BIRC6: variants seen among roughly 807,000 people sequenced by gnomAD.
BIRC6 encodes the protein dual E2 ubiquitin-conjugating enzyme/E3 ubiquitin-protein ligase BIRC6.
BIRC6 carries 98 observed loss-of-function variants against 503.3 expected under a neutral mutation model. The ratio of observed to expected loss-of-function variants is 0.19; its 90% CI spans 0.17 to 0.23. BIRC6 has a LOEUF of 0.23. Ranked by LOEUF, BIRC6 falls within the 10% of genes least tolerant of loss-of-function variation. BIRC6 has a pLI of 1.00. For missense variants in BIRC6, 5,360 were observed against 5,806.0 expected, an observed-to-expected ratio of 0.92 and a Z score of 2.50; for synonymous variants, 2,240 against 2,078.7, an observed-to-expected ratio of 1.08 and a Z score of -2.11.
rs1180074383 is a variant in BIRC6 at position 32,597,907 on chromosome 2, C to T, written c.13769C>T (p.Pro4590Leu). The change falls in exon 69 of 74, where the codon CCT becomes CTT. Residue 4590 changes from proline (P) to leucine (L), a missense_variant. Pro to Leu is a moderately conservative substitution (Grantham distance 98). Coordinates refer to ENST00000421745, the MANE Select transcript of BIRC6 (RefSeq NM_016252.4). ...GCTGTGACGCTTTCAACCTCACTGC[C>T]TCTGTCTTCATCCTCTAGTGTGTTT... ...QEAVTLSTSLPLSSSSSVFVR... is the reference protein window; with the variant it reads ...QEAVTLSTSLLLSSSSSVFVR... 1 of 1,613,774 alleles carries T rather than the reference C, an allele frequency of 6.2e-7. No individual in the cohort carries two copies.
At chr2:32,488,823 T>C in intron 42 of BIRC6, 109 bp downstream of exon 42, 1 of 800,284 alleles carries the variant, frequency 1.2e-6, no homozygotes, top group East Asian at 3.1e-5. Context: ...AACATTCTAG[T>C]GGGGAAAAAA....
chr2:32,446,738 GTTTTTTTTTTTTT>G lies in BIRC6; in HGVS notation c.4484+1091_4484+1103del, dbSNP rs58232090. Among the ~76,000 whole-genome samples the G allele has an allele frequency of 2.7e-3, 95 of 34,860 alleles. No homozygotes were observed. The East Asian group carries it at 0.041, about 15-fold the overall frequency. The allele number at this position is 34,860 out of a possible 152,430, so 22.9% of individuals were successfully genotyped here. On this transcript the variant is annotated intron_variant, in intron 21 of 73. Coordinates refer to ENST00000421745, the MANE Select transcript of BIRC6 (RefSeq NM_016252.4). Reference sequence around the variant, plus strand: ...TCTAGTCAGCATCTCCCTCTGCGCTGTTTTTTTTTTTTTTTTTTTTTTTTTTTTTTTTTATTGA... The same window carrying G: ...TCTAGTCAGCATCTCCCTCTGCGCTGTTTTTTTTTTTTTTTTTTTTATTGA...
At chr2:32,611,679 T>TAAAG (rs1263788354) in intron 73 of BIRC6, 97 bp downstream of exon 73, 2 of 1,144,942 alleles carry the variant, frequency 1.7e-6, no homozygotes, top group Admixed American at 3.3e-5. Context: ...GGGAGGGAAT[T>TAAAG]AAAGAAACAT....
At chr2:32,374,883 T>C (rs1013389942) in intron 1 of BIRC6, among the ~76,000 whole-genome samples, 3 of 152,124 alleles carry the variant, frequency 2.0e-5, no homozygotes, top group African/African-American at 7.2e-5. Flanking sequence ...GTATTATGGG[T>C]GTGAGCCACC....
chr2:32,476,375 T>C, intron 34 of BIRC6, 31 bp downstream of exon 34: 1 of 1,537,142 alleles, frequency 6.5e-7, no homozygotes, highest in East Asian at 2.4e-5. Flanking sequence ...TATAGTTATC[T>C]CAGAAAAGTC....
At chr2:32,401,712 G>C (rs2040614704) in intron 8 of BIRC6, 89 bp downstream of exon 8, 1 of 1,205,608 alleles carries the variant, frequency 8.3e-7, no homozygotes, top group Admixed American at 2.8e-5. Flanking sequence ...TAAAGAGGAG[G>C]AAAAAAAAGT....
intron 59 of BIRC6, 139 bp from the exon 60 acceptor site, chr2:32,529,512 G>A: frequency 1.4e-6 from 1 of 691,318 alleles, no homozygotes; most frequent in Non-Finnish European, 2.2e-6. Flanking sequence ...CTTTCCAATG[G>A]CTGTTGAATT....
Position 32,388,784 on chromosome 2 carries a change from T to C in BIRC6, c.680T>C (p.Val227Ala). ...GTTACATTTCATCTTCCTCATCATG[T>C]GTTGAAGTCCATTGCCAGTGCCATT... ...ATVTFHLPHH[V>A]LKSIASAIVN... Residue 227 changes from valine to alanine, a missense_variant, in exon 4 of 74, where the codon GTG becomes GCG. By Grantham distance (64) the Val-to-Ala change is moderately conservative. Coordinates refer to ENST00000421745, the MANE Select transcript of BIRC6 (RefSeq NM_016252.4). 1 of 1,609,402 alleles carries C rather than the reference T, an allele frequency of 6.2e-7. No homozygotes were observed. The highest frequency in any genetic ancestry group is 1.1e-5 in the South Asian group (1 of 90,308).
At chr2:32,550,062 G>A (rs1238473617) in intron 65 of BIRC6, among the ~76,000 whole-genome samples, 1 of 152,086 alleles carries the variant, frequency 6.6e-6, no homozygotes, top group African/African-American at 2.4e-5. Flanking sequence ...AGAATAGAAA[G>A]TTACATGTTC....
At chr2:32,529,467 T>G in intron 59 of BIRC6, 184 bp from the exon 60 acceptor site, 1 of 517,796 alleles carries the variant, frequency 1.9e-6, no homozygotes, top group Non-Finnish European at 3.3e-6. Context: ...TATTGTTCAT[T>G]ATTATATGTC....
chr2:32,599,953 T>G (rs1236662320), intron 70 of BIRC6, 53 bp downstream of exon 70: 3 of 1,536,226 alleles, frequency 2.0e-6, no homozygotes, highest in Non-Finnish European at 2.6e-6. Flanking sequence ...ATACAAAGGT[T>G]CTTTGTAATT....
rs2053250681 is a variant in BIRC6 at position 32,501,996 on chromosome 2, A to G, written c.9207+108A>G. 5.4e-6 allele frequency: 6 copies of G among 1,118,228 alleles called. No individual in the cohort carries two copies. The South Asian group carries it at 1.1e-4, about 20-fold the overall frequency. 69.3% of individuals were successfully genotyped at this position (1,118,228 alleles called of 1,614,324 possible). A position where few individuals can be genotyped will look rare whatever the true frequency, so the allele number is the denominator to read the frequency against. On this transcript the variant is annotated intron_variant, in intron 47 of 73. Coordinates refer to ENST00000421745, the MANE Select transcript of BIRC6 (RefSeq NM_016252.4). Reference sequence around the variant, plus strand: ...AAGTATATTTATTATATATCGGACAATGAAAAGCATCAGTACAAGAGGGCT... The same window carrying G: ...AAGTATATTTATTATATATCGGACAGTGAAAAGCATCAGTACAAGAGGGCT...
At chr2:32,420,497 C>A (rs1173880310) in intron 10 of BIRC6, among the ~76,000 whole-genome samples, 1 of 151,772 alleles carries the variant, frequency 6.6e-6, no homozygotes, top group Admixed American at 6.6e-5. Context: ...TCATAATATT[C>A]CCCACAATCA....
At chr2:32,548,364 A>ATTT (rs1491147471) in intron 64 of BIRC6, among the ~76,000 whole-genome samples, 60 of 68,022 alleles carry the variant, frequency 8.8e-4, no homozygotes, top group Non-Finnish European at 1.4e-3. Flanking sequence ...TTGGTTGCTT[A>ATTT]CTTTTTTTTT....
At chr2:32,398,916 A>G (rs2040285642) in intron 6 of BIRC6, among the ~76,000 whole-genome samples, 1 of 152,280 alleles carries the variant, frequency 6.6e-6, no homozygotes, top group East Asian at 1.9e-4. Flanking sequence ...CCCAGGATTT[A>G]TAGATGGATT....
chr2:32,466,580 A>C (rs528205645), intron 26 of BIRC6, among the ~76,000 whole-genome samples: 27 of 152,370 alleles, frequency 1.8e-4, no homozygotes, highest in African/African-American at 5.8e-4. Flanking sequence ...AACTAAATCA[A>C]ATAATACTAT....
chr2:32,374,982 G>T (rs2036534309), intron 1 of BIRC6, among the ~76,000 whole-genome samples: 1 of 152,052 alleles, frequency 6.6e-6, no homozygotes, highest in African/African-American at 2.4e-5. Context: ...AGATTGACTT[G>T]TTCAGTCCAT....
chr2:32,561,733 A>G (rs951595557), intron 65 of BIRC6, among the ~76,000 whole-genome samples: 1 of 143,758 alleles, frequency 7.0e-6, no homozygotes, highest in Non-Finnish European at 1.5e-5. Flanking sequence ...GTATATATAT[A>G]TATATATTTA....
At chr2:32,603,136 A>G (rs2062179750) in intron 71 of BIRC6, 53 bp downstream of exon 71, 3 of 1,401,068 alleles carry the variant, frequency 2.1e-6, no homozygotes, top group East Asian at 4.7e-5. Context: ...ACTGTGTAGT[A>G]TTTTAAAAAA....
Sources: allele counts gnomAD v4.1 joint callset (sites outside exome capture counted in the v4.1 genomes callset), GRCh38; gene constraint gnomAD v4.1.1; transcripts MANE v1.5; gene names NCBI Gene and HGNC (gene_info 2026-07-23, HGNC 2026-07-21).